RPS6KA5: variants seen among roughly 807,000 people sequenced by gnomAD.
The protein encoded by RPS6KA5 is ribosomal protein S6 kinase alpha-5.
In RPS6KA5, 27 loss-of-function variants were observed where a neutral mutation model predicts 85.5. The ratio of observed to expected loss-of-function variants is 0.32; its 90% confidence interval spans 0.23 to 0.44. The LOEUF is 0.44. Ranked by LOEUF, RPS6KA5 falls within the 20% of genes least tolerant of loss-of-function variation. The pLI is 1.00. For synonymous variants in RPS6KA5, 334 were observed against 348.2 expected, an observed-to-expected ratio of 0.96 and a Z score of 0.46; for missense variants, 811 against 980.9, an observed-to-expected ratio of 0.83 and a Z score of 2.31.
intron 5 of RPS6KA5, among the ~76,000 whole-genome samples, chr14:90,938,562 C>T (rs2037405749): frequency 6.6e-6 from 1 of 152,228 alleles, no homozygotes; most frequent in Admixed American, 6.5e-5. Context: ...TCTGCCTGGG[C>T]ATCCAGGTGT....
intron 1 of RPS6KA5, among the ~76,000 whole-genome samples, chr14:91,054,574 T>C (rs2139964533): frequency 1.3e-5 from 2 of 150,740 alleles, no homozygotes; most frequent in Admixed American, 6.6e-5. Context: ...GAGGCAGAGG[T>C]TGCAGTGAGG....
At chr14:90,960,284 G>A (rs992264171) in intron 3 of RPS6KA5, among the ~76,000 whole-genome samples, 1 of 152,036 alleles carries the variant, frequency 6.6e-6, no homozygotes, top group South Asian at 2.1e-4. Context: ...GCTCGGGCAT[G>A]CCCCTGAAAG....
intron 1 of RPS6KA5, among the ~76,000 whole-genome samples, chr14:91,021,162 T>C (rs2041759597): frequency 6.6e-6 from 1 of 152,200 alleles, no homozygotes. Flanking sequence ...GAGCATTCAC[T>C]GACAATTCTT....
At chr14:91,023,082 TAAAAAAAAA>T (rs368649949) in intron 1 of RPS6KA5, among the ~76,000 whole-genome samples, 1 of 96,470 alleles carries the variant, frequency 1.0e-5, no homozygotes, top group East Asian at 3.5e-4. Flanking sequence ...AAACTCTATC[TAAAAAAAAA>T]AAAAAAAAAA....
chr14:90,898,537 A>G (rs1352076677), intron 12 of RPS6KA5, among the ~76,000 whole-genome samples: 1 of 152,254 alleles, frequency 6.6e-6, no homozygotes, highest in African/African-American at 2.4e-5. Context: ...TTGACATGCT[A>G]TGTGACCTTA....
intron 7 of RPS6KA5, among the ~76,000 whole-genome samples, chr14:90,917,041 C>T (rs1481905977): frequency 2.0e-5 from 3 of 152,140 alleles, no homozygotes; most frequent in African/African-American, 4.8e-5. Flanking sequence ...AGAGAAGCCA[C>T]CACTTAATGT....
chr14:90,927,077 G>T (rs2036715358), intron 5 of RPS6KA5, among the ~76,000 whole-genome samples: 1 of 152,110 alleles, frequency 6.6e-6, no homozygotes. Context: ...TCTTGTAGTG[G>T]TCATGATCGT....
Position 90,875,251 on chromosome 14 carries a change from T to A in RPS6KA5, c.1946A>T (p.Glu649Val). ...KKIKKGDFSF[E>V]GEAWKNVSQE... is the part of the protein sequence containing the mutation. The stretch of plus-strand genomic sequence containing the variant: ...GGATACATTCTTCCAGGCTTCTCCT[T>A]CAAAGGAGAAATCTCCCTTTTTAAT... The change falls in exon 15 of 17, where the codon GAA becomes GTA. Residue 649 changes from glutamate to valine, a missense_variant. Around this residue, in one of 3 missense-constraint regions of RPS6KA5, gnomAD observed 650 missense variants for 793.4 expected, o/e 0.82. Transcript: ENST00000614987. The A allele has an allele frequency of 1.2e-6, 2 of 1,613,986 alleles. No individual in the cohort carries two copies. Among genetic ancestry groups the A allele is most frequent in the Non-Finnish European group, 1.7e-6 (2 of 1,179,902 alleles).
Position 90,873,741 on chromosome 14 carries a change from T to G in RPS6KA5, c.2051A>C (p.Asn684Thr). The change falls in exon 16 of 17, where the codon AAT (asparagine) becomes ACT (threonine). Residue 684 changes from asparagine (N) to threonine (T), a missense_variant. By Grantham distance (65) the Asn-to-Thr change is moderately conservative (BLOSUM62 0). Transcript: ENST00000614987. ...CTGACTTCCATCTTGTAGCCATTCA[T>G]TGTACCTCAAGCCAGACATTTTAAG... ...KRLKMSGLRYNEWLQDGSQLS... is the reference protein window; with the variant it reads ...KRLKMSGLRYTEWLQDGSQLS... 1 of 1,614,146 alleles carries G rather than the reference T, an allele frequency of 6.2e-7. No homozygotes were observed. The highest frequency in any genetic ancestry group is 2.2e-5 in the East Asian group (1 of 44,882).
At chr14:90,976,662 G>A (rs1263966888) in intron 3 of RPS6KA5, among the ~76,000 whole-genome samples, 1 of 152,064 alleles carries the variant, frequency 6.6e-6, no homozygotes, top group Non-Finnish European at 1.5e-5. Context: ...TAACATAGCA[G>A]ATACACACAG....
intron 1 of RPS6KA5, among the ~76,000 whole-genome samples, chr14:91,043,810 A>G (rs1042495407): frequency 2.6e-5 from 4 of 152,154 alleles, no homozygotes; most frequent in Non-Finnish European, 5.9e-5. Flanking sequence ...GACCCCAATG[A>G]CCCTAGCCTT....
In RPS6KA5 at chr14:90,866,204, C is replaced by T. The variant is rs958143370; in HGVS notation, c.*5870G>A. 3.3e-5 allele frequency: 5 copies of T among 152,512 alleles called. No individual in the cohort carries two copies. The East Asian group carries it at 9.6e-4, about 29-fold the overall frequency. The allele number at this position is 152,512 out of a possible 1,614,324, so 9.4% of individuals were successfully genotyped here. On this transcript the variant is annotated 3_prime_UTR_variant, in exon 17 of 17. Coordinates refer to ENST00000614987, the MANE Select transcript of RPS6KA5 (RefSeq NM_004755.4). ...TTAAGGAAGACAACTCACAAAGCAA[C>T]TCACGGCTGGGCAAAGCTGGGAGGC...
At chr14:90,947,218 G>A (rs999146756) in intron 4 of RPS6KA5, among the ~76,000 whole-genome samples, 1 of 152,178 alleles carries the variant, frequency 6.6e-6, no homozygotes, top group African/African-American at 2.4e-5. Context: ...GCCAAAACCT[G>A]CTTAGGTTCT....
chr14:90,946,142 T>A (rs954664738), intron 4 of RPS6KA5, among the ~76,000 whole-genome samples: 6 of 152,338 alleles, frequency 3.9e-5, no homozygotes, highest in Middle Eastern at 3.4e-3. Context: ...GAAAATGTCT[T>A]AACTATCTTA....
At chr14:90,950,264 T>C (rs2038103207) in intron 3 of RPS6KA5, among the ~76,000 whole-genome samples, 1 of 152,248 alleles carries the variant, frequency 6.6e-6, no homozygotes, top group South Asian at 2.1e-4. Context: ...GATTTTTGTA[T>C]GTTGATCTTA....
At chr14:90,880,725 T>C (rs1029786627) in intron 14 of RPS6KA5, among the ~76,000 whole-genome samples, 11 of 152,232 alleles carry the variant, frequency 7.2e-5, no homozygotes, top group Admixed American at 1.3e-4. Flanking sequence ...TGTACTTTAC[T>C]GGTCTACATT....
chr14:90,959,244 T>C (rs973295966), intron 3 of RPS6KA5, among the ~76,000 whole-genome samples: 2 of 152,218 alleles, frequency 1.3e-5, no homozygotes, highest in East Asian at 3.9e-4. Flanking sequence ...ATGTGAACAG[T>C]TGCCCTTGCG....
intron 3 of RPS6KA5, among the ~76,000 whole-genome samples, chr14:90,950,219 CA>C (rs1227575411): frequency 6.6e-6 from 1 of 152,116 alleles, no homozygotes; most frequent in East Asian, 1.9e-4. Flanking sequence ...ACTTCATTTT[CA>C]GACTGTTTAT....
chr14:91,001,044 A>G (rs1405373497), intron 2 of RPS6KA5, 44 bp downstream of exon 2: 2 of 1,088,178 alleles, frequency 1.8e-6, no homozygotes, highest in Non-Finnish European at 2.7e-6. Context: ...TAGGAATAAT[A>G]AGTACTTTTT....
Sources: allele counts gnomAD v4.1 joint callset (sites outside exome capture counted in the v4.1 genomes callset), GRCh38; gene constraint gnomAD v4.1.1; regional missense constraint gnomAD v4.1.1; transcripts MANE v1.5; gene names NCBI Gene and HGNC (gene_info 2026-07-23, HGNC 2026-07-21).